The following SEC22A variants were observed in gnomAD, a reference collection of about 807,000 sequenced individuals.
SEC22A encodes vesicle-trafficking protein SEC22a.
A neutral mutation model predicts 35.3 loss-of-function variants in SEC22A; 22 were observed. The observed-to-expected ratio is 0.62, with a 90% confidence interval of 0.45 to 0.89. The LOEUF (loss-of-function observed/expected upper bound fraction) is 0.89. Among genes scored for constraint, SEC22A ranks in the 40% least tolerant of loss-of-function variants. The pLI, the probability that SEC22A is intolerant of heterozygous loss-of-function variation, is 0.00. For missense variants in SEC22A, 354 were observed against 362.5 expected (o/e 0.98, Z 0.19); for synonymous variants, 119 against 129.5 (o/e 0.92, Z 0.55).
intron 2 of SEC22A, among the ~76,000 whole-genome samples, chr3:123,216,308 A>G (rs77560082): frequency 0.023 from 3,570 of 152,270 alleles, 133 homozygotes; most frequent in African/African-American, 0.082. Context: ...GTGTTAGGGA[A>G]GTGAGAAAGG....
rs763079319 is a variant in SEC22A, at chr3:123,246,044, A to C, written c.657+30A>C. 34 of 1,121,322 alleles carry C rather than the reference A, an allele frequency of 3.0e-5. No individual in the cohort carries two copies. In the South Asian group the frequency reaches 4.0e-4, roughly 13 times the overall value. 69.5% of individuals were successfully genotyped at this position (1,121,322 alleles called of 1,614,324 possible). ...TGTGCTATTTTTGCAATTTCAGGTG[A>C]CTGTGCCTCTTCATTCTACTGGTTA... On this transcript the variant is annotated intron_variant, in intron 5 of 6. Coordinates refer to ENST00000492595, the MANE Select transcript of SEC22A (RefSeq NM_012430.5).
intron 4 of SEC22A, among the ~76,000 whole-genome samples, chr3:123,243,610 T>G (rs1937543900): frequency 6.6e-6 from 1 of 152,252 alleles, no homozygotes; most frequent in South Asian, 2.1e-4. Context: ...TACTTTCATA[T>G]ACTTATCTGT....
At chr3:123,243,289 A>T (rs910229832) in intron 4 of SEC22A, among the ~76,000 whole-genome samples, 1 of 152,270 alleles carries the variant, frequency 6.6e-6, no homozygotes, top group Middle Eastern at 3.4e-3. Flanking sequence ...CAGGATAATT[A>T]TAGTGCCTAC....
chr3:123,214,567 A>G (rs1462007843), intron 2 of SEC22A, among the ~76,000 whole-genome samples: 1 of 152,230 alleles, frequency 6.6e-6, no homozygotes, highest in Admixed American at 6.5e-5. Flanking sequence ...TCTGTTTTAT[A>G]AGTCGAAGGG....
At chr3:123,262,887 T>G (rs540241626) in intron 6 of SEC22A, among the ~76,000 whole-genome samples, 9 of 152,308 alleles carry the variant, frequency 5.9e-5, no homozygotes, top group Admixed American at 6.5e-5. Context: ...TAGATTTACG[T>G]GGAGTTGCAA....
intron 2 of SEC22A, among the ~76,000 whole-genome samples, chr3:123,214,027 T>TAAAAAAA (rs1413948717): frequency 8.2e-6 from 1 of 122,346 alleles, no homozygotes; most frequent in African/African-American, 3.0e-5. Context: ...CTACTAAAAA[T>TAAAAAAA]AAAAAAAATA....
At chr3:123,258,808 T>A (rs1323739512) in intron 5 of SEC22A, among the ~76,000 whole-genome samples, 1 of 152,226 alleles carries the variant, frequency 6.6e-6, no homozygotes, top group African/African-American at 2.4e-5. Flanking sequence ...GCCCGAACTT[T>A]ATCTTTTACT....
At chr3:123,243,796 A>G (rs1266605960) in intron 4 of SEC22A, 2 of 152,194 alleles carry the variant, frequency 1.3e-5, no homozygotes, top group African/African-American at 4.8e-5. Context: ...TAAGGGGTTT[A>G]TTCTTACTTC....
In SEC22A at chr3:123,274,131, T is replaced by A. The variant is rs1938240586; in HGVS notation, c.*2409T>A. ...AAAACAGGTATAAATGTTTTATGTA[T>A]AGAAATGTTTTCTTTCATTATTTGG... On this transcript the variant is annotated 3_prime_UTR_variant, in exon 7 of 7. Coordinates refer to ENST00000492595, the MANE Select transcript of SEC22A (RefSeq NM_012430.5). The A allele has an allele frequency of 6.6e-6, 1 of 152,238 alleles. No homozygotes were observed. The highest frequency in any genetic ancestry group is 1.5e-5 in the Non-Finnish European group (1 of 68,044). 9.4% of individuals were successfully genotyped at this position (152,238 alleles called of 1,614,324 possible). A position where few individuals can be genotyped will look rare whatever the true frequency, so the allele number is the denominator to read the frequency against.
At chr3:123,254,746 T>TA (rs1405592439) in intron 5 of SEC22A, among the ~76,000 whole-genome samples, 1 of 151,152 alleles carries the variant, frequency 6.6e-6, no homozygotes, top group Non-Finnish European at 1.5e-5. Flanking sequence ...TCTTTTTTTT[T>TA]ATTATACTTC....
At chr3:123,203,365 G>A (rs539940967) in intron 1 of SEC22A, among the ~76,000 whole-genome samples, 1 of 152,052 alleles carries the variant, frequency 6.6e-6, no homozygotes, top group African/African-American at 2.4e-5. Flanking sequence ...TATAAAGTGC[G>A]TGGTCCATGG....
At chr3:123,241,134 A>G (rs1043996200) in intron 4 of SEC22A, among the ~76,000 whole-genome samples, 3 of 152,118 alleles carry the variant, frequency 2.0e-5, no homozygotes, top group African/African-American at 7.2e-5. Flanking sequence ...AATACAGTAA[A>G]CACATTAACT....
chr3:123,253,608 A>G (rs549217140), intron 5 of SEC22A, among the ~76,000 whole-genome samples: 8 of 151,788 alleles, frequency 5.3e-5, no homozygotes. Context: ...GTTACTCCGC[A>G]GGCTGAGGCA....
At chr3:123,219,383 G>C (rs1220910007) in intron 2 of SEC22A, among the ~76,000 whole-genome samples, 1 of 152,120 alleles carries the variant, frequency 6.6e-6, no homozygotes, top group East Asian at 1.9e-4. Context: ...TGGAAAAAGT[G>C]AAAAAACATT....
chr3:123,206,229 T>C (rs1375669993), intron 1 of SEC22A, among the ~76,000 whole-genome samples: 2 of 152,148 alleles, frequency 1.3e-5, no homozygotes, highest in African/African-American at 4.8e-5. Context: ...CCAAAGCAAG[T>C]ACTATAGGCG....
chr3:123,259,612 G>A, intron 6 of SEC22A, 23 bp downstream of exon 6: 2 of 1,525,444 alleles, frequency 1.3e-6, no homozygotes, highest in Non-Finnish European at 1.8e-6. Flanking sequence ...CCATTTTAAA[G>A]AAACACTTAC....
intron 6 of SEC22A, among the ~76,000 whole-genome samples, chr3:123,262,649 C>T (rs529621667): frequency 1.0e-3 from 154 of 152,230 alleles, no homozygotes; most frequent in African/African-American, 3.6e-3. Context: ...CAGCTGTAGG[C>T]CAAAGTTCTG....
At chr3:123,204,306 G>C (rs903688862) in intron 1 of SEC22A, among the ~76,000 whole-genome samples, 1 of 152,128 alleles carries the variant, frequency 6.6e-6, no homozygotes, top group African/African-American at 2.4e-5. Context: ...ACCAATATTA[G>C]GTAAATAGTA....
At chr3:123,219,952 A>G (rs1414019519) in intron 2 of SEC22A, among the ~76,000 whole-genome samples, 1 of 152,234 alleles carries the variant, frequency 6.6e-6, no homozygotes, top group Non-Finnish European at 1.5e-5. Context: ...CAAATAAAGC[A>G]TTATAAAACT....
Sources: allele counts gnomAD v4.1 joint callset (sites outside exome capture counted in the v4.1 genomes callset), GRCh38; gene constraint gnomAD v4.1.1; transcripts MANE v1.5; gene names NCBI Gene and HGNC (gene_info 2026-07-23, HGNC 2026-07-21).